The following CD244 variants were observed in gnomAD, a reference collection of about 807,000 sequenced individuals.
CD244 encodes the protein CD244 molecule, also known as natural killer cell receptor 2B4.
A neutral mutation model predicts 45.5 loss-of-function variants in CD244; 20 were observed. The observed-to-expected ratio is 0.44, with a 90% CI of 0.31 to 0.64. The LOEUF is 0.64. Ranked by LOEUF, CD244 falls within the 30% of genes least tolerant of loss-of-function variation. The pLI, the probability that CD244 is intolerant of heterozygous loss-of-function variation, is 0.08. For missense variants in CD244, 407 were observed against 426.9 expected, an observed-to-expected ratio of 0.95 and a Z score of 0.41; for synonymous variants, 185 against 160.5, an observed-to-expected ratio of 1.15 and a Z score of -1.15.
In CD244 at chr1:160,834,755, C is replaced by T. The variant is rs551766985; in HGVS notation, c.895-639G>A. Among the ~76,000 whole-genome samples the T allele has an allele frequency of 1.6e-4, 24 of 152,334 alleles. No individual in the cohort carries two copies. In the South Asian group the frequency reaches 2.9e-3, roughly 18 times the overall value. ...GATAAATAGCCCAAGTCAGGCAGTGCGTACACAGTAGAAGCAGAATTCAAA... is the reference window on the plus strand; with the variant it reads ...GATAAATAGCCCAAGTCAGGCAGTGTGTACACAGTAGAAGCAGAATTCAAA... On this transcript the variant is annotated intron_variant, in intron 6 of 8. Coordinates refer to ENST00000368034, the MANE Select transcript of CD244 (RefSeq NM_016382.4).
intron 1 of CD244, among the ~76,000 whole-genome samples, chr1:160,842,232 G>T (rs771010750): frequency 2.0e-5 from 3 of 152,002 alleles, no homozygotes; most frequent in Non-Finnish European, 4.4e-5. Context: ...AGTCAGTTTG[G>T]TGTTATGTTT....
At chr1:160,852,440 T>C (rs1669952145) in intron 1 of CD244, among the ~76,000 whole-genome samples, 1 of 151,934 alleles carries the variant, frequency 6.6e-6, no homozygotes, top group South Asian at 2.1e-4. Flanking sequence ...TACCAGCTTC[T>C]TGGGAGTCTG....
chr1:160,853,118 C>A (rs1669978130), intron 1 of CD244, among the ~76,000 whole-genome samples: 2 of 152,044 alleles, frequency 1.3e-5, no homozygotes, highest in South Asian at 4.1e-4. Context: ...TGAGAAAAAA[C>A]CCAAATGTCT....
chr1:160,851,190 A>G (rs489651), intron 1 of CD244, among the ~76,000 whole-genome samples: 58,673 of 151,916 alleles, frequency 0.39, 11,804 homozygotes, highest in East Asian at 0.54. Flanking sequence ...GCCATCGGTG[A>G]TCAACTTAAC....
intron 1 of CD244, among the ~76,000 whole-genome samples, chr1:160,858,691 G>T (rs555040830): frequency 5.3e-5 from 8 of 152,312 alleles, no homozygotes; most frequent in African/African-American, 1.9e-4. Flanking sequence ...CATTGGCACT[G>T]CACCAGGCAC....
intron 1 of CD244, among the ~76,000 whole-genome samples, chr1:160,843,953 A>C (rs512525): frequency 0.53 from 80,058 of 152,032 alleles, 22,390 homozygotes; most frequent in African/African-American, 0.73. Flanking sequence ...GCGGGTATAC[A>C]TAAAATCCAT....
At chr1:160,862,214 A>C (rs572632683) in intron 1 of CD244, among the ~76,000 whole-genome samples, 1 of 152,078 alleles carries the variant, frequency 6.6e-6, no homozygotes, top group Admixed American at 6.5e-5. Flanking sequence ...TCAGGGGTCC[A>C]TCCATCTGTC....
intron 1 of CD244, among the ~76,000 whole-genome samples, chr1:160,843,676 A>C (rs536890534): frequency 5.2e-5 from 8 of 152,382 alleles, no homozygotes; most frequent in Non-Finnish European, 1.0e-4. Flanking sequence ...CAATCCTCCC[A>C]CTAAAAATAG....
Position 160,844,899 on chromosome 1 carries a change from C to T in CD244, c.62-2998G>A, listed in dbSNP as rs569894687. On this transcript the variant is annotated intron_variant, in intron 1 of 8. Coordinates refer to ENST00000368034, the MANE Select transcript of CD244 (RefSeq NM_016382.4). ...CTGAGGCACGAGAACTGCTTGAACC[C>T]GGGAGATGGAGCTTGCAGTGAGCCG... 2.7e-3 allele frequency among the ~76,000 whole-genome samples: 407 copies of T among 152,182 alleles called. 3 individuals are homozygous for T. Among genetic ancestry groups the T allele is most frequent in the African/African-American group, 9.1e-3 (378 of 41,496 alleles).
chr1:160,838,339 C>T lies in CD244; in HGVS notation c.834+112G>A, dbSNP rs374984224. 286 of 819,704 alleles carry T rather than the reference C, an allele frequency of 3.5e-4. 1 individual carries two copies. The highest frequency in any genetic ancestry group is 3.4e-3 in the East Asian group (138 of 41,026). The allele number at this position is 819,704 out of a possible 1,614,324, so 50.8% of individuals were successfully genotyped here. ...ATAGATGGGGAAGGGCTGAGGGTCA[C>T]ATCAAAAGGACAGTCGTTCAGTCCT... On this transcript the variant is annotated intron_variant, in intron 5 of 8. Coordinates refer to ENST00000368034, the MANE Select transcript of CD244 (RefSeq NM_016382.4).
At chr1:160,862,092 C>T in intron 1 of CD244, among the ~76,000 whole-genome samples, 1 of 152,190 alleles carries the variant, frequency 6.6e-6, no homozygotes, top group Admixed American at 6.5e-5. Flanking sequence ...AATTTCCAGG[C>T]TCCTGTGGCA....
intron 5 of CD244, among the ~76,000 whole-genome samples, chr1:160,836,821 C>T (rs2280415): frequency 0.52 from 79,505 of 151,714 alleles, 21,318 homozygotes; most frequent in Middle Eastern, 0.62. Context: ...TTCATGCTGC[C>T]GGCCACTGAA....
At chr1:160,858,592 C>G (rs551342883) in intron 1 of CD244, among the ~76,000 whole-genome samples, 3 of 152,312 alleles carry the variant, frequency 2.0e-5, no homozygotes, top group Admixed American at 2.0e-4. Context: ...CCCAATATGT[C>G]TAACCCAAAA....
At position 160,839,004 on chromosome 1, in the gene CD244, G is replaced by A. The variant is rs376890724; in HGVS notation, c.701C>T (p.Ala234Val). 8 of 1,613,916 alleles carry A rather than the reference G, an allele frequency of 5.0e-6. No homozygotes were observed. The highest frequency in any genetic ancestry group is 6.8e-6 in the Non-Finnish European group (8 of 1,179,978). The change falls in exon 4 of 9, where the codon GCA becomes GTA. Residue 234 changes from alanine (A) to valine (V), a missense_variant. Physicochemically the swap from Ala to Val is moderately conservative, Grantham distance 64 (BLOSUM62 0). Transcript: ENST00000368034. ...PFLVIIVILS[A>V]LFLGTLACFC... is the part of the protein sequence containing the mutation. ...GCAGGCAAGGGTGCCAAGGAACAGT[G>A]CGCTTAGAATCACGATGATCACCAA...
At chr1:160,847,074 CAA>C (rs912855089) in intron 1 of CD244, among the ~76,000 whole-genome samples, 9 of 149,516 alleles carry the variant, frequency 6.0e-5, no homozygotes, top group African/African-American at 2.0e-4. Context: ...AGAAAATGAA[CAA>C]AAAAAGACAT....
chr1:160,841,580 T>C lies in CD244; in HGVS notation c.379+4A>G. Reference sequence around the variant, plus strand: ...GGGCAGTATGAACAGTCCTGGAGACTTACCAAATACAAAAACCTGGAACGT... The same window carrying C: ...GGGCAGTATGAACAGTCCTGGAGACCTACCAAATACAAAAACCTGGAACGT... On this transcript the variant is annotated splice_donor_region_variant and intron_variant, in intron 2 of 8. Transcript: ENST00000368034. 1 of 1,613,730 alleles carries C rather than the reference T, an allele frequency of 6.2e-7. No homozygotes were observed. Among genetic ancestry groups the C allele is most frequent in the Non-Finnish European group, 8.5e-7 (1 of 1,179,890 alleles).
chr1:160,860,145 T>G (rs1362746285), intron 1 of CD244, among the ~76,000 whole-genome samples: 1 of 152,068 alleles, frequency 6.6e-6, no homozygotes, highest in Non-Finnish European at 1.5e-5. Flanking sequence ...GGAGCAGAAG[T>G]TGCAGTGAGC....
chr1:160,833,567 C>T (rs1191893550), intron 7 of CD244, among the ~76,000 whole-genome samples: 2 of 152,218 alleles, frequency 1.3e-5, no homozygotes, highest in Non-Finnish European at 2.9e-5. Context: ...TTGCCTCAGT[C>T]CAGAGGCCTC....
rs773478919 is a variant in CD244, at chr1:160,832,660, C to T, written c.961-85G>A. 8 of 1,587,864 alleles carry T rather than the reference C, an allele frequency of 5.0e-6. No homozygotes were observed. In the African/African-American group the frequency reaches 8.1e-5, roughly 16 times the overall value. On this transcript the variant is annotated intron_variant, in intron 7 of 8. Coordinates refer to ENST00000368034, the MANE Select transcript of CD244 (RefSeq NM_016382.4). Reference sequence around the variant, plus strand: ...GTGATGTGAGAGGTCCCAAAAGAGACTCAGGGCCCAGAAAAATTCTGAGGC... The same window carrying T: ...GTGATGTGAGAGGTCCCAAAAGAGATTCAGGGCCCAGAAAAATTCTGAGGC...
Sources: allele counts gnomAD v4.1 joint callset (sites outside exome capture counted in the v4.1 genomes callset), GRCh38; gene constraint gnomAD v4.1.1; transcripts MANE v1.5; gene names NCBI Gene and HGNC (gene_info 2026-07-23, HGNC 2026-07-21).